NPR3: variants seen among roughly 807,000 people sequenced by gnomAD.
The protein encoded by NPR3 is atrial natriuretic peptide receptor 3.
In NPR3, 34 loss-of-function variants were observed where a neutral mutation model predicts 54.5. The observed-to-expected ratio is 0.62, with a 90% CI of 0.47 to 0.83. The LOEUF (loss-of-function observed/expected upper bound fraction) is 0.83. Among genes scored for constraint, NPR3 ranks in the 40% least tolerant of loss-of-function variants. The pLI, the probability that NPR3 is intolerant of heterozygous loss-of-function variation, is 0.00. For missense variants in NPR3, 674 were observed against 720.8 expected, an observed-to-expected ratio of 0.94 and a Z score of 0.74; for synonymous variants, 289 against 297.1, an observed-to-expected ratio of 0.97 and a Z score of 0.28.
chr5:32,745,393 A>G (rs950517848), intron 3 of NPR3, among the ~76,000 whole-genome samples: 8 of 152,164 alleles, frequency 5.3e-5, no homozygotes, highest in Admixed American at 3.3e-4. Context: ...CCATATGTAC[A>G]GTGGCCCTCA....
intron 7 of NPR3, among the ~76,000 whole-genome samples, chr5:32,785,722 G>T (rs1436853023): frequency 1.3e-5 from 2 of 152,190 alleles, no homozygotes; most frequent in Non-Finnish European, 2.9e-5. Flanking sequence ...ATGTACGTGT[G>T]TGCACTGGTA....
chr5:32,737,890 C>T (rs920452755), intron 2 of NPR3, among the ~76,000 whole-genome samples: 4 of 151,884 alleles, frequency 2.6e-5, no homozygotes, highest in Admixed American at 6.6e-5. Flanking sequence ...AATGTTTTTA[C>T]GCATATAAAG....
chr5:32,781,841 C>A (rs140344293), intron 5 of NPR3, among the ~76,000 whole-genome samples: 2 of 152,156 alleles, frequency 1.3e-5, no homozygotes, highest in African/African-American at 4.8e-5. Flanking sequence ...GCTCAGTACA[C>A]GCCAGTGATT....
chr5:32,692,323 C>T (rs1441097119), intron 1 of NPR3, among the ~76,000 whole-genome samples: 1 of 152,122 alleles, frequency 6.6e-6, no homozygotes, highest in Non-Finnish European at 1.5e-5. Flanking sequence ...TGCCAAACAA[C>T]AGGATTCAGG....
In NPR3 at chr5:32,790,978, C is replaced by T. The variant is rs1014552009; in HGVS notation, c.*4633C>T. The T allele has an allele frequency of 3.0e-5, 5 of 167,008 alleles. No homozygotes were observed. The highest frequency in any genetic ancestry group is 4.4e-5 in the Non-Finnish European group (3 of 68,112). The allele number at this position is 167,008 out of a possible 1,614,324, so 10.3% of individuals were successfully genotyped here. A position where few individuals can be genotyped will look rare whatever the true frequency, so the allele number is the denominator to read the frequency against. On this transcript the variant is annotated 3_prime_UTR_variant, in exon 8 of 8. Transcript: ENST00000265074. ...TTTCTATGCACAAGGAATAAAGGGC[C>T]TACTTACCAAGTGTAAATCACAACA...
intron 6 of NPR3, 60 bp from the exon 7 acceptor site, chr5:32,784,736 T>G: frequency 7.5e-7 from 1 of 1,329,486 alleles, no homozygotes; most frequent in Middle Eastern, 1.8e-4. Context: ...TGAATGAAAC[T>G]CGAGGCATTT....
intron 1 of NPR3, among the ~76,000 whole-genome samples, chr5:32,701,135 C>G: frequency 6.6e-6 from 1 of 152,198 alleles, no homozygotes; most frequent in East Asian, 1.9e-4. Flanking sequence ...ATTTGCATTT[C>G]TCTGATGACC....
chr5:32,780,449 C>T (rs1300434556), intron 4 of NPR3, among the ~76,000 whole-genome samples: 1 of 152,080 alleles, frequency 6.6e-6, no homozygotes, highest in Non-Finnish European at 1.5e-5. Flanking sequence ...CAGGATTAGC[C>T]TTAATCTTTT....
chr5:32,698,609 T>A (rs1740591257), intron 1 of NPR3, among the ~76,000 whole-genome samples: 1 of 152,178 alleles, frequency 6.6e-6, no homozygotes, highest in African/African-American at 2.4e-5. Flanking sequence ...TTGGGATCTA[T>A]CTCTCTCTTT....
In NPR3 at chr5:32,786,265, AC is replaced by A. The variant is rs1325188421; in HGVS notation, c.1549del (p.Gln517SerfsTer24). On this transcript the variant is annotated frameshift_variant, in exon 8 of 8. Coordinates refer to ENST00000265074, the MANE Select transcript of NPR3 (RefSeq NM_001204375.2). LOFTEE classifies it high-confidence loss of function. ...KKYRITIERR[T>X]QQEESNLGKH... ...ATACAGAATAACCATTGAGAGGCGA[AC>A]CCAGCAAGAAGAAAGTAACCTTGGA... is the stretch of plus-strand genomic sequence containing the variant. 6.4e-7 allele frequency: 1 copy of A among 1,570,536 alleles called. No homozygotes were observed. The highest frequency in any genetic ancestry group is 8.7e-7 in the Non-Finnish European group (1 of 1,145,400).
intron 1 of NPR3, among the ~76,000 whole-genome samples, chr5:32,704,162 A>T (rs1373357008): frequency 6.6e-6 from 1 of 152,106 alleles, no homozygotes; most frequent in Non-Finnish European, 1.5e-5. Context: ...GCAAAGTCCC[A>T]CAGTCATTGC....
intron 3 of NPR3, among the ~76,000 whole-genome samples, chr5:32,762,486 C>T (rs1374535098): frequency 8.2e-6 from 1 of 121,408 alleles, no homozygotes; most frequent in East Asian, 3.3e-4. Flanking sequence ...GATCACCATT[C>T]TAACTGGCGT....
chr5:32,701,253 C>A (rs140327011), intron 1 of NPR3, among the ~76,000 whole-genome samples: 264 of 152,180 alleles, frequency 1.7e-3, no homozygotes, highest in African/African-American at 6.2e-3. Flanking sequence ...CTCATGTTCA[C>A]TAGTTTTTTC....
At chr5:32,715,657 C>T (rs994742206) in intron 1 of NPR3, among the ~76,000 whole-genome samples, 7 of 152,112 alleles carry the variant, frequency 4.6e-5, no homozygotes, top group African/African-American at 1.4e-4. Context: ...CCAGCTACTG[C>T]CCTCAATATT....
chr5:32,722,721 A>G (rs993127004), intron 1 of NPR3, among the ~76,000 whole-genome samples: 4 of 152,184 alleles, frequency 2.6e-5, no homozygotes, highest in African/African-American at 9.7e-5. Context: ...TGAATGTTTT[A>G]TGGGACACCC....
At chr5:32,732,153 A>G (rs543214132) in intron 2 of NPR3, among the ~76,000 whole-genome samples, 47 of 145,416 alleles carry the variant, frequency 3.2e-4, no homozygotes, top group African/African-American at 9.0e-4. Context: ...AGGCAGGAGA[A>G]TGGCGTGAAC....
intron 1 of NPR3, among the ~76,000 whole-genome samples, chr5:32,699,492 G>A (rs1740613373): frequency 6.6e-6 from 1 of 152,016 alleles, no homozygotes; most frequent in Non-Finnish European, 1.5e-5. Context: ...GCCCCAATGT[G>A]TGCTGTTCAC....
At chr5:32,755,753 C>A (rs567877590) in intron 3 of NPR3, among the ~76,000 whole-genome samples, 151 of 152,340 alleles carry the variant, frequency 9.9e-4, no homozygotes, top group Non-Finnish European at 1.9e-3. Context: ...ACACCATCAT[C>A]TCCAAGTTCT....
At chr5:32,734,760 T>C (rs1056232535) in intron 2 of NPR3, among the ~76,000 whole-genome samples, 9 of 152,358 alleles carry the variant, frequency 5.9e-5, no homozygotes, top group African/African-American at 2.2e-4. Context: ...ACTTTAAATA[T>C]GACAAGTGTG....
Sources: allele counts gnomAD v4.1 joint callset (sites outside exome capture counted in the v4.1 genomes callset), GRCh38; gene constraint gnomAD v4.1.1; transcripts MANE v1.5; gene names NCBI Gene and HGNC (gene_info 2026-07-23, HGNC 2026-07-21).